ERG: variants seen among roughly 807,000 people sequenced by gnomAD.
ERG encodes ETS transcription factor ERG.
Under a neutral mutation model 55.3 loss-of-function variants are expected in ERG, and 9 were observed. That is an observed-to-expected ratio of 0.16 (90% confidence interval 0.10 to 0.28). The LOEUF is 0.28. ERG is among the 10% of genes least tolerant of loss of function. The pLI, the probability that ERG is intolerant of heterozygous loss-of-function variation, is 1.00. For synonymous variants in ERG, 223 were observed against 237.3 expected (o/e 0.94, Z 0.55); for missense variants, 434 against 631.6 (o/e 0.69, Z 3.35).
chr21:38,488,570 A>G (rs2059308136), intron 1 of ERG, among the ~76,000 whole-genome samples: 1 of 152,208 alleles, frequency 6.6e-6, no homozygotes, highest in Admixed American at 6.5e-5. Flanking sequence ...TAAACAATGC[A>G]TTCGTTGGAA....
intron 1 of ERG, among the ~76,000 whole-genome samples, chr21:38,610,093 G>A (rs2060217307): frequency 6.6e-6 from 1 of 152,196 alleles, no homozygotes; most frequent in Non-Finnish European, 1.5e-5. Context: ...GATGGAGGGA[G>A]ATTCAGGTTC....
At chr21:38,477,679 A>G (rs2059201427) in intron 1 of ERG, among the ~76,000 whole-genome samples, 1 of 152,220 alleles carries the variant, frequency 6.6e-6, no homozygotes, top group Non-Finnish European at 1.5e-5. Context: ...TTGTTTATGG[A>G]CATGATACTA....
chr21:38,627,746 A>G (rs1468748552), intron 1 of ERG, among the ~76,000 whole-genome samples: 1 of 152,184 alleles, frequency 6.6e-6, no homozygotes, highest in Non-Finnish European at 1.5e-5. Context: ...AAAGATGTGA[A>G]TTAGACAGCC....
chr21:38,451,155 G>C, intron 1 of ERG: 1 of 496,294 alleles, frequency 2.0e-6, no homozygotes, highest in South Asian at 1.5e-5. Flanking sequence ...AGAGGGAAGA[G>C]ACAGAAGAAA....
chr21:38,418,548 C>T (rs1451308939), intron 3 of ERG, among the ~76,000 whole-genome samples: 1 of 152,078 alleles, frequency 6.6e-6, no homozygotes, highest in East Asian at 1.9e-4. Flanking sequence ...CAGGTGTAAG[C>T]CACTGTGACT....
At chr21:38,422,123 G>A (rs1454807031) in intron 3 of ERG, among the ~76,000 whole-genome samples, 1 of 152,238 alleles carries the variant, frequency 6.6e-6, no homozygotes. Context: ...GTGGAGACGA[G>A]AGCAATTCCA....
chr21:38,639,480 A>C lies in ERG; in HGVS notation c.-150+22178T>G, dbSNP rs533683250. 3.7e-4 allele frequency among the ~76,000 whole-genome samples: 57 copies of C among 152,318 alleles called. 1 individual carries two copies. The South Asian group carries it at 7.5e-3, about 20-fold the overall frequency. On this transcript the variant is annotated intron_variant, in intron 1 of 10. Coordinates refer to the ERG transcript ENST00000398910. ...GATCAGAGAGGAGGTTCAACATCTAAATAACAAGAGTTCCAAGAAGAGAAA... is the reference window on the plus strand; with the variant it reads ...GATCAGAGAGGAGGTTCAACATCTACATAACAAGAGTTCCAAGAAGAGAAA...
chr21:38,575,724 T>A, exon 2 of ERG: 1 of 1,613,998 alleles, frequency 6.2e-7, no homozygotes, highest in Non-Finnish European at 8.5e-7. Context: ...CCAGCCCATC[T>A]ACCAGCTGTT....
At chr21:38,373,611 T>C in the ERG span, among the ~76,000 whole-genome samples, 1 of 152,180 alleles carries the variant, frequency 6.6e-6, no homozygotes, top group South Asian at 2.1e-4. Flanking sequence ...AAGCTCTGCT[T>C]TTCACTAGCT....
intron 3 of ERG, among the ~76,000 whole-genome samples, chr21:38,406,172 A>AAAAAAAAAAAAAAAAAAC: frequency 7.8e-6 from 1 of 128,958 alleles, no homozygotes; most frequent in Non-Finnish European, 1.7e-5. Context: ...AAAAAAAAAA[A>AAAAAAAAAAAAAAAAAAC]AAATCATCAG....
At chr21:38,519,134 G>A (rs2059575099) in intron 2 of ERG, among the ~76,000 whole-genome samples, 1 of 152,170 alleles carries the variant, frequency 6.6e-6, no homozygotes, top group Non-Finnish European at 1.5e-5. Flanking sequence ...TAACAATGTT[G>A]GTGAAGATGT....
At chr21:38,487,335 T>G (rs958022371) in intron 1 of ERG, among the ~76,000 whole-genome samples, 13 of 152,218 alleles carry the variant, frequency 8.5e-5, no homozygotes, top group Non-Finnish European at 1.8e-4. Flanking sequence ...AATTTTTATT[T>G]TCTAAACTCC....
At chr21:38,545,072 T>G (rs1195775091) in intron 2 of ERG, among the ~76,000 whole-genome samples, 1 of 152,114 alleles carries the variant, frequency 6.6e-6, no homozygotes, top group Admixed American at 6.5e-5. Flanking sequence ...ATCTCATAAT[T>G]TTTAAAATCC....
chr21:38,625,915 C>CT (rs397797559), intron 1 of ERG, among the ~76,000 whole-genome samples: 4,386 of 84,398 alleles, frequency 0.052, 240 homozygotes, highest in East Asian at 0.093. Context: ...ACTTGAAGCT[C>CT]TTTTTTTTTT....
chr21:38,526,466 G>A lies in ERG; in HGVS notation c.-41+49196C>T, dbSNP rs117444243. 1.4e-4 allele frequency among the ~76,000 whole-genome samples: 21 copies of A among 152,202 alleles called. No individual in the cohort carries two copies. The East Asian group carries it at 2.7e-3, about 20-fold the overall frequency. The stretch of plus-strand genomic sequence containing the variant: ...ATTGTAGTCTACACTATGTCACAGC[G>A]GACTGCATCATGATAGAGAACGATA... On this transcript the variant is annotated intron_variant, in intron 2 of 8. Coordinates refer to the ERG transcript ENST00000398897.
At chr21:38,398,331 G>A (rs1263027087) in intron 6 of ERG, among the ~76,000 whole-genome samples, 1 of 152,174 alleles carries the variant, frequency 6.6e-6, no homozygotes, top group African/African-American at 2.4e-5. Context: ...CCAAGTTCAA[G>A]TCCCTGAATA....
intron 9 of ERG, among the ~76,000 whole-genome samples, chr21:38,384,141 C>G (rs1438147487): frequency 6.6e-6 from 1 of 152,212 alleles, no homozygotes; most frequent in Non-Finnish European, 1.5e-5. Flanking sequence ...GAGCCGCCGC[C>G]TCGCCCACCC....
chr21:38,434,620 C>T (rs543311025), intron 2 of ERG, among the ~76,000 whole-genome samples: 1 of 152,316 alleles, frequency 6.6e-6, no homozygotes, highest in African/African-American at 2.4e-5. Flanking sequence ...GAAAGCCCCT[C>T]GTGTTGCAGT....
chr21:38,592,104 G>T (rs73429466), intron 1 of ERG, among the ~76,000 whole-genome samples: 68 of 152,352 alleles, frequency 4.5e-4, no homozygotes, highest in African/African-American at 1.6e-3. Context: ...GAAGGGGTGT[G>T]CTGCCAGATG....
Sources: allele counts gnomAD v4.1 joint callset (sites outside exome capture counted in the v4.1 genomes callset), GRCh38; gene constraint gnomAD v4.1.1; transcripts MANE v1.5; gene names NCBI Gene and HGNC (gene_info 2026-07-23, HGNC 2026-07-21).